Variants in NR3C1 observed in about 807,000 individuals in gnomAD.
The protein encoded by NR3C1 is nuclear receptor subfamily 3 group C member 1, also known as glucocorticoid receptor.
NR3C1 carries 14 observed loss-of-function variants against 74.0 expected under a neutral mutation model. The ratio of observed to expected loss-of-function variants is 0.19; its 90% CI spans 0.12 to 0.30. NR3C1 has a LOEUF of 0.30. Among genes scored for constraint, NR3C1 ranks in the 10% least tolerant of loss-of-function variants. NR3C1 has a pLI of 1.00. For missense variants in NR3C1, 695 were observed against 909.8 expected (o/e 0.76, Z 3.04); for synonymous variants, 308 against 332.5 (o/e 0.93, Z 0.80).
At chr5:143,318,150 G>A (rs138411415) in intron 2 of NR3C1, among the ~76,000 whole-genome samples, 44 of 152,142 alleles carry the variant, frequency 2.9e-4, no homozygotes, top group Non-Finnish European at 5.4e-4. Flanking sequence ...CTACCCCCAA[G>A]GATTACCTTC....
At chr5:143,411,069 C>T (rs902564307) in intron 1 of NR3C1, among the ~76,000 whole-genome samples, 4 of 152,176 alleles carry the variant, frequency 2.6e-5, no homozygotes, top group African/African-American at 9.7e-5. Context: ...TTACTATTAT[C>T]TATGTTCTTA....
chr5:143,297,252 T>G (rs925786446), intron 6 of NR3C1, among the ~76,000 whole-genome samples: 1 of 152,142 alleles, frequency 6.6e-6, no homozygotes, highest in Non-Finnish European at 1.5e-5. Flanking sequence ...GTATGTGGCA[T>G]GATTAGATTT....
At chr5:143,359,817 C>T (rs1831897920) in intron 2 of NR3C1, among the ~76,000 whole-genome samples, 1 of 152,146 alleles carries the variant, frequency 6.6e-6, no homozygotes, top group South Asian at 2.1e-4. Context: ...ACTCGGCAGG[C>T]TGAGGCAGGA....
At chr5:143,405,416 C>T, upstream of NR3C1, 1 of 936,988 alleles carries the variant, frequency 1.1e-6, no homozygotes, top group Non-Finnish European at 1.3e-6. Flanking sequence ...CGGAAGCCGC[C>T]CGCCGCCATC....
intron 2 of NR3C1, among the ~76,000 whole-genome samples, chr5:143,385,314 A>G (rs984162586): frequency 6.6e-6 from 1 of 152,142 alleles, no homozygotes; most frequent in African/African-American, 2.4e-5. Flanking sequence ...TCCCTATTCT[A>G]CTGGCTATTA....
chr5:143,424,057 T>G (rs560877400), intron 1 of NR3C1, among the ~76,000 whole-genome samples: 262 of 18,468 alleles, frequency 0.014, 2 homozygotes, highest in African/African-American at 0.051. Context: ...CTCTGGGGAC[T>G]GTTGTGGGGT....
chr5:143,374,470 G>C (rs180782124), intron 2 of NR3C1, among the ~76,000 whole-genome samples: 2 of 149,020 alleles, frequency 1.3e-5, no homozygotes, highest in South Asian at 2.1e-4. Flanking sequence ...CAGCCTGGGC[G>C]ACAGAGCGAG....
intron 2 of NR3C1, among the ~76,000 whole-genome samples, chr5:143,385,988 A>G (rs938702628): frequency 7.2e-5 from 11 of 152,232 alleles, no homozygotes; most frequent in Non-Finnish European, 1.5e-4. Context: ...CTTACAAAGA[A>G]AAGAGGTTCA....
chr5:143,366,078 G>C (rs1833123466), intron 2 of NR3C1, among the ~76,000 whole-genome samples: 1 of 152,046 alleles, frequency 6.6e-6, no homozygotes, highest in African/African-American at 2.4e-5. Flanking sequence ...TTCAAATCAG[G>C]AACTTAATTA....
At chr5:143,404,372 G>T (rs1211855677), upstream of NR3C1, 3 of 984,434 alleles carry the variant, frequency 3.0e-6, no homozygotes, top group South Asian at 9.5e-5. Context: ...CGGCGCATAC[G>T]TACTTTGGGC....
At chr5:143,360,653 A>G (rs1297713381) in intron 2 of NR3C1, among the ~76,000 whole-genome samples, 1 of 152,218 alleles carries the variant, frequency 6.6e-6, no homozygotes, top group Non-Finnish European at 1.5e-5. Context: ...CAGGTCTTTA[A>G]ACACCTAACC....
intron 4 of NR3C1, among the ~76,000 whole-genome samples, chr5:143,305,392 G>A (rs1819368444): frequency 6.6e-6 from 1 of 152,142 alleles, no homozygotes; most frequent in African/African-American, 2.4e-5. Flanking sequence ...TCCTATTGCT[G>A]GGAATATACC....
intron 2 of NR3C1, among the ~76,000 whole-genome samples, chr5:143,348,420 C>T (rs1829675947): frequency 6.6e-6 from 1 of 152,192 alleles, no homozygotes; most frequent in Non-Finnish European, 1.5e-5. Context: ...CAAATCCACA[C>T]TTGCTTTCCT....
chr5:143,424,222 TAAAATAA>T (rs200970381), intron 1 of NR3C1, among the ~76,000 whole-genome samples: 7,489 of 115,990 alleles, frequency 0.065, 600 homozygotes, highest in African/African-American at 0.23. Context: ...TAATAATAAA[TAAAATAA>T]AAAATAAAAA....
chr5:143,365,083 A>G (rs2151833847), intron 2 of NR3C1, among the ~76,000 whole-genome samples: 1 of 152,364 alleles, frequency 6.6e-6, no homozygotes, highest in East Asian at 1.9e-4. Context: ...AAAAGAAATG[A>G]CAAAGAAATT....
At chr5:143,361,144 T>C (rs905680763) in intron 2 of NR3C1, among the ~76,000 whole-genome samples, 4 of 152,176 alleles carry the variant, frequency 2.6e-5, no homozygotes, top group Non-Finnish European at 5.9e-5. Flanking sequence ...CTTTCTTTTT[T>C]GATTGTTAGA....
chr5:143,373,967 TTAAGA>T (rs796577561), intron 2 of NR3C1, among the ~76,000 whole-genome samples: 13 of 152,178 alleles, frequency 8.5e-5, no homozygotes, highest in Admixed American at 2.0e-4. Flanking sequence ...AAAAAATGTG[TTAAGA>T]TAAGCTCCTA....
chr5:143,404,542 T>C, upstream of NR3C1: 1 of 937,120 alleles, frequency 1.1e-6, no homozygotes, highest in Non-Finnish European at 1.2e-6. Context: ...TCCCCGAGTC[T>C]GCGAGGCGGC....
At chr5:143,332,449 C>T (rs1016575024) in intron 2 of NR3C1, among the ~76,000 whole-genome samples, 5 of 151,858 alleles carry the variant, frequency 3.3e-5, no homozygotes, top group Non-Finnish European at 7.4e-5. Flanking sequence ...ATAGCTAACG[C>T]ATGCCGGGCT....
Sources: gnomAD v4.1 joint callset for allele counts (sites outside exome capture counted in the v4.1 genomes callset) on GRCh38, gnomAD v4.1.1 for gene constraint, MANE v1.5 for transcripts, NCBI Gene and HGNC (gene_info 2026-07-23, HGNC 2026-07-21) for gene names.